Variants in POU2F1 observed in about 807,000 individuals in gnomAD.
POU2F1 encodes POU class 2 homeobox 1.
POU2F1 carries 16 observed loss-of-function variants against 84.9 expected under a neutral mutation model. The observed-to-expected ratio is 0.19, with a 90% CI of 0.13 to 0.29. The LOEUF (loss-of-function observed/expected upper bound fraction) is 0.29. POU2F1 is among the 10% of genes least tolerant of loss of function. POU2F1 has a pLI of 1.00. For missense variants in POU2F1, 738 were observed against 942.6 expected, an observed-to-expected ratio of 0.78 and a Z score of 2.84; for synonymous variants, 368 against 368.3, an observed-to-expected ratio of 1.00 and a Z score of 0.01.
At chr1:167,297,871 G>A (rs998588060) in intron 1 of POU2F1, among the ~76,000 whole-genome samples, 1 of 152,086 alleles carries the variant, frequency 6.6e-6, no homozygotes. Flanking sequence ...CTTTTAACCA[G>A]TAGAGCAAGA....
intron 13 of POU2F1, among the ~76,000 whole-genome samples, chr1:167,406,965 TTCTCTC>T (rs1038225091): frequency 6.6e-6 from 1 of 151,826 alleles, no homozygotes; most frequent in African/African-American, 2.4e-5. Flanking sequence ...GCATCTCTCT[TTCTCTC>T]TGATTTCAAG....
chr1:167,390,913 C>T (rs569988713), intron 9 of POU2F1, among the ~76,000 whole-genome samples: 4 of 152,272 alleles, frequency 2.6e-5, no homozygotes, highest in South Asian at 4.1e-4. Context: ...ACCAGTTAAT[C>T]GAGCAAGAAT....
chr1:167,245,234 C>T (rs553544477), intron 1 of POU2F1, among the ~76,000 whole-genome samples: 4 of 151,222 alleles, frequency 2.6e-5, no homozygotes, highest in Admixed American at 6.6e-5. Context: ...TATTATGTGA[C>T]TCAAATTTCT....
At chr1:167,364,230 T>G (rs1044341787) in intron 2 of POU2F1, among the ~76,000 whole-genome samples, 14 of 152,198 alleles carry the variant, frequency 9.2e-5, no homozygotes, top group African/African-American at 3.4e-4. Context: ...TAATATCAGA[T>G]CACAGCAGAA....
intron 2 of POU2F1, among the ~76,000 whole-genome samples, chr1:167,361,239 G>A (rs1026359684): frequency 3.3e-5 from 5 of 152,130 alleles, no homozygotes; most frequent in African/African-American, 1.2e-4. Context: ...GGTGAGAGTG[G>A]ACATCCTTGC....
At chr1:167,346,479 G>A (rs867012006) in intron 2 of POU2F1, among the ~76,000 whole-genome samples, 2 of 152,154 alleles carry the variant, frequency 1.3e-5, no homozygotes, top group African/African-American at 4.8e-5. Flanking sequence ...TGGCCCCAGT[G>A]ACTGGTTTCA....
At chr1:167,299,695 G>GTTTTTTTTTTT (rs571000920) in intron 1 of POU2F1, among the ~76,000 whole-genome samples, 1,613 of 138,938 alleles carry the variant, frequency 0.012, 43 homozygotes, top group African/African-American at 0.042. Context: ...GGAGACCAGA[G>GTTTTTTTTTTT]TTTTTTTTTT....
intron 2 of POU2F1, among the ~76,000 whole-genome samples, chr1:167,339,877 G>A (rs982880803): frequency 6.6e-6 from 1 of 152,170 alleles, no homozygotes; most frequent in Non-Finnish European, 1.5e-5. Context: ...AGAATATGAT[G>A]ATAGTGGCTA....
chr1:167,373,152 A>C (rs1433022624), intron 5 of POU2F1, among the ~76,000 whole-genome samples: 2 of 152,156 alleles, frequency 1.3e-5, no homozygotes, highest in Admixed American at 1.3e-4. Flanking sequence ...TTATGTTTCT[A>C]ATGCACAAAT....
intron 15 of POU2F1, chr1:167,414,407 C>G: frequency 1.0e-6 from 1 of 985,360 alleles, no homozygotes; most frequent in Non-Finnish European, 1.2e-6. Flanking sequence ...TCTCACTGTT[C>G]TGTACTATTT....
intron 1 of POU2F1, among the ~76,000 whole-genome samples, chr1:167,302,666 A>G (rs993530133): frequency 2.0e-5 from 3 of 152,232 alleles, no homozygotes; most frequent in Non-Finnish European, 4.4e-5. Context: ...TGTACAGAAA[A>G]AAGTTATGTG....
At chr1:167,247,036 ATATGTGTGTGTGTGTG>A (rs1332787345) in intron 1 of POU2F1, among the ~76,000 whole-genome samples, 2 of 143,492 alleles carry the variant, frequency 1.4e-5, no homozygotes, top group South Asian at 2.2e-4. Context: ...GGTTATATAT[ATATGTGTGTGTGTGTG>A]TGTGTGTGTG....
chr1:167,348,265 G>A (rs1191262372), intron 2 of POU2F1, among the ~76,000 whole-genome samples: 2 of 152,104 alleles, frequency 1.3e-5, no homozygotes, highest in African/African-American at 4.8e-5. Flanking sequence ...CATAGAAAAG[G>A]TACAGTAAAA....
intron 15 of POU2F1, among the ~76,000 whole-genome samples, chr1:167,413,726 A>G (rs1262447044): frequency 6.6e-6 from 1 of 152,208 alleles, no homozygotes; most frequent in African/African-American, 2.4e-5. Flanking sequence ...ACCCAGGGCA[A>G]TATTCATTCC....
At chr1:167,356,281 G>A (rs988281445) in intron 2 of POU2F1, among the ~76,000 whole-genome samples, 3 of 150,368 alleles carry the variant, frequency 2.0e-5, no homozygotes, top group Admixed American at 6.6e-5. Context: ...GATTACAGGC[G>A]TGAGCCACCC....
At chr1:167,288,547 A>G (rs1264588713) in intron 1 of POU2F1, among the ~76,000 whole-genome samples, 1 of 152,178 alleles carries the variant, frequency 6.6e-6, no homozygotes, top group Non-Finnish European at 1.5e-5. Flanking sequence ...AAAATTAGCC[A>G]GGTGCTGTGG....
chr1:167,314,431 G>T (rs1001474980), intron 1 of POU2F1, among the ~76,000 whole-genome samples: 1 of 152,190 alleles, frequency 6.6e-6, no homozygotes, highest in South Asian at 2.1e-4. Context: ...CACATTGTTT[G>T]TGGGAATGTA....
chr1:167,323,915 A>G (rs956340040), intron 1 of POU2F1, among the ~76,000 whole-genome samples: 16 of 151,900 alleles, frequency 1.1e-4, no homozygotes, highest in Non-Finnish European at 1.8e-4. Context: ...CTAATCTCGA[A>G]CTCCAGAGCT....
At chr1:167,234,716 A>G (rs566508946) in intron 1 of POU2F1, among the ~76,000 whole-genome samples, 7 of 152,312 alleles carry the variant, frequency 4.6e-5, no homozygotes, top group Middle Eastern at 3.4e-3. Context: ...CCAGGATGAC[A>G]GAGCAATACC....
Sources: gnomAD v4.1 joint callset for allele counts (sites outside exome capture counted in the v4.1 genomes callset) on GRCh38, gnomAD v4.1.1 for gene constraint, MANE v1.5 for transcripts, NCBI Gene and HGNC (gene_info 2026-07-23, HGNC 2026-07-21) for gene names.